The following NMD3 variants were observed in gnomAD, a reference collection of about 807,000 sequenced individuals.
The protein encoded by NMD3 is NMD3 ribosome export adaptor.
In NMD3, 47 loss-of-function variants were observed where a neutral mutation model predicts 73.1. The observed-to-expected ratio is 0.64, with a 90% CI of 0.51 to 0.82. The LOEUF (loss-of-function observed/expected upper bound fraction) is 0.82. Among genes scored for constraint, NMD3 ranks in the 40% least tolerant of loss-of-function variants. NMD3 has a pLI of 0.00. For missense variants in NMD3, 554 were observed against 612.5 expected, an observed-to-expected ratio of 0.90 and a Z score of 1.01; for synonymous variants, 210 against 194.5, an observed-to-expected ratio of 1.08 and a Z score of -0.66.
intron 9 of NMD3, among the ~76,000 whole-genome samples, chr3:161,240,516 T>G (rs1736928146): frequency 1.5e-5 from 2 of 134,554 alleles, no homozygotes; most frequent in African/African-American, 5.8e-5. Context: ...CTTGGTGATT[T>G]GGGCCCTGGA....
At chr3:161,234,615 T>C in intron 5 of NMD3, 112 bp from the exon 6 acceptor site, 1 of 841,894 alleles carries the variant, frequency 1.2e-6, no homozygotes, top group Non-Finnish European at 1.8e-6. Flanking sequence ...ATTGATGTCC[T>C]CAAAGCATTA....
rs9871096 is a variant in NMD3, at chr3:161,238,243, C to T, written c.656+52C>T. ...AAATCTAAGGACTTGGGAATGGATG[C>T]GGATCACATATATTCTTCAGGCTCA... On this transcript the variant is annotated intron_variant, in intron 8 of 15. Coordinates refer to ENST00000351193, the MANE Select transcript of NMD3 (RefSeq NM_015938.5). The T allele has an allele frequency of 7.1e-4, 759 of 1,064,944 alleles. 3 individuals carry two copies. The African/African-American group carries it at 0.011, about 16-fold the overall frequency. The allele number at this position is 1,064,944 out of a possible 1,614,324, so 66.0% of individuals were successfully genotyped here. A position where few individuals can be genotyped will look rare whatever the true frequency, so the allele number is the denominator to read the frequency against.
chr3:161,223,845 A>G (rs529453347), intron 2 of NMD3, among the ~76,000 whole-genome samples: 64 of 152,272 alleles, frequency 4.2e-4, no homozygotes, highest in African/African-American at 1.4e-3. Flanking sequence ...TGGTTTTCCA[A>G]TTTTCAACAA....
In NMD3 at chr3:161,247,329, T is replaced by TTTA; in HGVS notation, c.1202_1203insTTA (p.Val401_Val402insTer). On this transcript the variant is annotated stop_gained and inframe_insertion and splice_region_variant, in exon 13 of 16. Transcript: ENST00000351193. LOFTEE classifies it high-confidence loss of function. The stretch of plus-strand genomic sequence containing the variant: ...ATGAACTCAGATAGAGTTCCAGATG[T>TTTA]GGTAAGGCTTTAGATTTTTCCCTTT... 6.2e-7 allele frequency: 1 copy of TTTA among 1,600,336 alleles called. No individual in the cohort carries two copies. Among genetic ancestry groups the TTTA allele is most frequent in the Non-Finnish European group, 8.6e-7 (1 of 1,167,912 alleles).
intron 14 of NMD3, 25 bp downstream of exon 14, chr3:161,249,585 A>G: frequency 7.4e-7 from 1 of 1,348,224 alleles, no homozygotes; most frequent in Non-Finnish European, 1.1e-6. Context: ...TAAATCTCTT[A>G]TGTTGTCTCA....
intron 2 of NMD3, among the ~76,000 whole-genome samples, chr3:161,224,573 T>G (rs555418020): frequency 6.6e-6 from 1 of 152,228 alleles, no homozygotes; most frequent in South Asian, 2.1e-4. Flanking sequence ...TCACTGCAAC[T>G]TCCACCTCCT....
intron 11 of NMD3, among the ~76,000 whole-genome samples, chr3:161,244,760 C>T (rs746161366): frequency 1.3e-4 from 19 of 151,702 alleles, no homozygotes; most frequent in Non-Finnish European, 2.5e-4. Flanking sequence ...CTTACCACCT[C>T]AGCATGCTGC....
chr3:161,232,680 G>A (rs926563876), intron 4 of NMD3, among the ~76,000 whole-genome samples: 3 of 152,018 alleles, frequency 2.0e-5, no homozygotes, highest in Admixed American at 2.0e-4. Flanking sequence ...CTTGGACTGT[G>A]CAGATAAATC....
At position 161,249,551 on chromosome 3, in the gene NMD3, A is replaced by G. The variant is rs758964547; in HGVS notation, c.1301A>G (p.Asp434Gly). 1.9e-6 allele frequency: 3 copies of G among 1,592,672 alleles called. No individual in the cohort carries two copies. The highest frequency in any genetic ancestry group is 1.1e-5 in the South Asian group (1 of 90,496). The change falls in exon 14 of 16, where the codon GAT becomes GGT. Residue 434 changes from aspartate to glycine, a missense_variant. Asp to Gly is a moderately conservative substitution (Grantham distance 94). Coordinates refer to ENST00000351193, the MANE Select transcript of NMD3 (RefSeq NM_015938.5). ...AGAGAGAGAGAAAACATGGATACAG[A>G]TGATGAAAGGTCTCGCTTTTCTTTA... ...LARERENMDT[D>G]DERQYQDFLE...
intron 2 of NMD3, among the ~76,000 whole-genome samples, chr3:161,223,557 A>G (rs912519895): frequency 6.6e-6 from 1 of 151,350 alleles, no homozygotes; most frequent in Non-Finnish European, 1.5e-5. Context: ...AATGATTTAG[A>G]TATTAGTTTC....
At chr3:161,225,201 C>A in intron 3 of NMD3, 137 bp downstream of exon 3, 2 of 958,810 alleles carry the variant, frequency 2.1e-6, no homozygotes, top group Non-Finnish European at 3.0e-6. Context: ...TTGGTGTCGC[C>A]AAAGATTTTA....
Position 161,238,173 on chromosome 3 carries a change from A to T in NMD3, c.638A>T (p.Gln213Leu). 1 of 1,605,092 alleles carries T rather than the reference A, an allele frequency of 6.2e-7. No homozygotes were observed. The highest frequency in any genetic ancestry group is 8.5e-7 in the Non-Finnish European group (1 of 1,174,600). ...QHAQKMVEFL[Q>L]CTVPCRYKAS... ...GCTCAGAAGATGGTCGAATTTCTTC[A>T]GTGTACAGTTCCCTGTAGGTATGTT... is the stretch of plus-strand genomic sequence containing the variant. Residue 213 changes from glutamine (Q) to leucine (L), a missense_variant, in exon 8 of 16, where the codon CAG (glutamine) becomes CTG (leucine). Coordinates refer to ENST00000351193, the MANE Select transcript of NMD3 (RefSeq NM_015938.5).
Position 161,247,247 on chromosome 3 carries a change from T to C in NMD3, c.1131-11T>C. ...AAATGGTCACTAAGTTTTTCATTGTTTACATTTCAGGTTTGATTTGGCCAA... is the reference window on the plus strand; with the variant it reads ...AAATGGTCACTAAGTTTTTCATTGTCTACATTTCAGGTTTGATTTGGCCAA... On this transcript the variant is annotated splice_polypyrimidine_tract_variant and intron_variant, in intron 12 of 15. Coordinates refer to ENST00000351193, the MANE Select transcript of NMD3 (RefSeq NM_015938.5). The C allele has an allele frequency of 5.7e-6, 9 of 1,592,490 alleles. No individual in the cohort carries two copies. Among genetic ancestry groups the C allele is most frequent in the Non-Finnish European group, 7.8e-6 (9 of 1,160,804 alleles).
In NMD3 at chr3:161,251,116, G is replaced by A. The variant is rs1212608615; in HGVS notation, c.*206G>A. The A allele has an allele frequency of 5.0e-6, 2 of 398,302 alleles. No individual in the cohort carries two copies. The highest frequency in any genetic ancestry group is 4.0e-5 in the East Asian group (1 of 24,692). 24.7% of individuals were successfully genotyped at this position (398,302 alleles called of 1,614,324 possible). A position where few individuals can be genotyped will look rare whatever the true frequency, so the allele number is the denominator to read the frequency against. ...TAGATAAGGAAAGATTATGGAGAAT[G>A]TAGTTGTTATTGATTTTTGGCAATT... On this transcript the variant is annotated 3_prime_UTR_variant, in exon 16 of 16. Transcript: ENST00000351193.
chr3:161,227,106 TA>T (rs1736348246), intron 3 of NMD3, 140 bp from the exon 4 acceptor site: 4 of 538,256 alleles, frequency 7.4e-6, no homozygotes, highest in Non-Finnish European at 1.3e-5. Context: ...ACCATTAAAA[TA>T]TGTTTGAGTT....
Position 161,251,571 on chromosome 3 carries a change from T to C in NMD3, c.*661T>C, listed in dbSNP as rs910398844. ...TTTATAGCAAATAGAGACTCGTTAT[T>C]TAAAGGTTAAATAACAATTTGTTCT... On this transcript the variant is annotated 3_prime_UTR_variant, in exon 16 of 16. Transcript: ENST00000351193. 5 of 152,216 alleles carry C rather than the reference T, an allele frequency of 3.3e-5. No individual in the cohort carries two copies. Among genetic ancestry groups the C allele is most frequent in the African/African-American group, 1.2e-4 (5 of 41,460 alleles). 9.4% of individuals were successfully genotyped at this position (152,216 alleles called of 1,614,324 possible). A position where few individuals can be genotyped will look rare whatever the true frequency, so the allele number is the denominator to read the frequency against.
chr3:161,231,552 C>A (rs1354341646), intron 4 of NMD3, among the ~76,000 whole-genome samples: 2 of 152,030 alleles, frequency 1.3e-5, no homozygotes, highest in Non-Finnish European at 2.9e-5. Context: ...ACAAGTGATA[C>A]AAAGATGAAT....
chr3:161,242,025 A>G (rs569821935), intron 10 of NMD3, among the ~76,000 whole-genome samples: 1 of 152,160 alleles, frequency 6.6e-6, no homozygotes, highest in East Asian at 1.9e-4. Context: ...TTTATACAAA[A>G]AGTGAGTTTA....
chr3:161,250,796 G>A lies in NMD3; in HGVS notation c.1398G>A (p.Val466=), dbSNP rs1329887106. ...TTTTTTTAGATTCAGCCATCCCTGT[G>A]GAAAGTGACACCGATGATGAAGGAG... The part of the protein sequence containing the change: ...VNIYRDSAIP[V]ESDTDDEGAP... Residue 466 remains valine (V), a synonymous_variant, in exon 16 of 16, where the codon GTG becomes GTA. Transcript: ENST00000351193. 18 of 1,608,804 alleles carry A rather than the reference G, an allele frequency of 1.1e-5. No homozygotes were observed. Among genetic ancestry groups the A allele is most frequent in the Non-Finnish European group, 1.5e-5 (18 of 1,175,910 alleles).
Sources: allele counts gnomAD v4.1 joint callset (sites outside exome capture counted in the v4.1 genomes callset), GRCh38; gene constraint gnomAD v4.1.1; transcripts MANE v1.5; gene names NCBI Gene and HGNC (gene_info 2026-07-23, HGNC 2026-07-21).